The following SRGAP2 variants were observed in gnomAD, a reference collection of about 807,000 sequenced individuals.
The protein encoded by SRGAP2 is SLIT-ROBO Rho GTPase activating protein 2, also known as SLIT-ROBO Rho GTPase-activating protein 2.
A neutral mutation model predicts 57.2 loss-of-function variants in SRGAP2; 15 were observed. That is an observed-to-expected ratio of 0.26 (90% CI 0.18 to 0.40). SRGAP2 has a LOEUF of 0.40. SRGAP2 is among the 10% of genes least tolerant of loss of function. SRGAP2 has a pLI of 1.00. For missense variants in SRGAP2, 520 were observed against 669.6 expected (o/e 0.78, Z 2.47); for synonymous variants, 249 against 248.0 (o/e 1.00, Z -0.04).
chr1:206,210,904 C>A (rs1666276571), intron 2 of SRGAP2, among the ~76,000 whole-genome samples: 1 of 151,154 alleles, frequency 6.6e-6, no homozygotes, highest in Admixed American at 6.6e-5. Flanking sequence ...AAAACAACAA[C>A]AAAAAAAGCT....
intron 14 of SRGAP2, among the ~76,000 whole-genome samples, chr1:206,436,112 A>C (rs1661724615): frequency 6.6e-6 from 1 of 151,752 alleles, no homozygotes; most frequent in Admixed American, 6.6e-5. Context: ...TTTTATCATC[A>C]GCTATCATTA....
At position 206,461,916 on chromosome 1, in the gene SRGAP2, CACACACACACACAT is replaced by C. The variant is rs1664298868; in HGVS notation, c.*498_*511del. The C allele has an allele frequency of 1.3e-5, 2 of 154,160 alleles. No homozygotes were observed. Among genetic ancestry groups the C allele is most frequent in the African/African-American group, 2.4e-5 (1 of 41,376 alleles). 9.5% of individuals were successfully genotyped at this position (154,160 alleles called of 1,614,324 possible). ...CACACATTTTACACACACACACACA[CACACACACACACAT>C]ATGTTTTTCTAGTCTCTGGCATGTG... On this transcript the variant is annotated 3_prime_UTR_variant, in exon 23 of 23. Transcript: ENST00000573034.
At chr1:206,326,563 C>A (rs1271427023) in intron 3 of SRGAP2, among the ~76,000 whole-genome samples, 1 of 152,168 alleles carries the variant, frequency 6.6e-6, no homozygotes, top group Non-Finnish European at 1.5e-5. Context: ...ATAACCACCA[C>A]AATGAAATAA....
chr1:206,423,928 C>A (rs1476814608), intron 13 of SRGAP2, among the ~76,000 whole-genome samples: 3 of 151,204 alleles, frequency 2.0e-5, no homozygotes, highest in Non-Finnish European at 4.4e-5. Context: ...GTGCACACCA[C>A]CACGCCTGGC....
chr1:206,254,196 T>TTTTTTTTTTG (rs1553311722), intron 2 of SRGAP2, among the ~76,000 whole-genome samples: 1 of 89,552 alleles, frequency 1.1e-5, no homozygotes, highest in Non-Finnish European at 2.0e-5. Flanking sequence ...TTTTTTTTTT[T>TTTTTTTTTTG]GGAGGGGGTT....
intron 2 of SRGAP2, among the ~76,000 whole-genome samples, chr1:206,261,163 AC>A (rs1160494944): frequency 6.8e-6 from 1 of 146,472 alleles, no homozygotes; most frequent in East Asian, 2.0e-4. Flanking sequence ...GATAAATTAC[AC>A]TTCAGATTCT....
At chr1:206,448,560 A>C (rs1553374687) in intron 18 of SRGAP2, among the ~76,000 whole-genome samples, 1 of 152,198 alleles carries the variant, frequency 6.6e-6, no homozygotes, top group Non-Finnish European at 1.5e-5. Context: ...TCTGTGTCAC[A>C]AAGGACTGGT....
At chr1:206,253,188 G>C (rs1301096549) in intron 2 of SRGAP2, among the ~76,000 whole-genome samples, 1 of 151,762 alleles carries the variant, frequency 6.6e-6, no homozygotes, top group Non-Finnish European at 1.5e-5. Context: ...TTCTCGTTCT[G>C]CTGCCTTTGG....
chr1:206,454,260 C>G lies in SRGAP2; in HGVS notation c.2361-618C>G, dbSNP rs1663617806. On this transcript the variant is annotated intron_variant, in intron 20 of 22. Coordinates refer to ENST00000573034, the MANE Select transcript of SRGAP2 (RefSeq NM_015326.5). This position sits in a 1 kb window ranked among gnomAD's most constrained non-coding sequence, Gnocchi z 4.3. ...GGTGGCAATCTGTGCGTGGACAGGA[C>G]CCTCCCAAATTTAGCATTATGACTT... is the stretch of plus-strand genomic sequence containing the variant. 1.4e-6 allele frequency: 1 copy of G among 693,526 alleles called. No individual in the cohort carries two copies. Among genetic ancestry groups the G allele is most frequent in the South Asian group, 1.5e-5 (1 of 66,290 alleles). The allele number at this position is 693,526 out of a possible 1,614,324, so 43.0% of individuals were successfully genotyped here.
At position 206,295,303 on chromosome 1, in the gene SRGAP2, AACC is replaced by A. The variant is rs1279442101; in HGVS notation, c.68-7977_68-7975del. On this transcript the variant is annotated intron_variant, in intron 2 of 22. Transcript: ENST00000573034. ...CAATGGTGTGATCTCAGCTCACTGTAACCTCTGCCTCCTGGGTTCAAGCGATTC... is the reference window on the plus strand; with the variant it reads ...CAATGGTGTGATCTCAGCTCACTGTATCTGCCTCCTGGGTTCAAGCGATTC... 5.3e-5 allele frequency among the ~76,000 whole-genome samples: 8 copies of A among 151,954 alleles called. No individual in the cohort carries two copies. The South Asian group carries it at 6.2e-4, about 12-fold the overall frequency.
At chr1:206,347,248 T>C (rs1553337074) in intron 4 of SRGAP2, among the ~76,000 whole-genome samples, 1 of 149,932 alleles carries the variant, frequency 6.7e-6, no homozygotes, top group African/African-American at 2.5e-5. Context: ...CCAGACCCTG[T>C]CTGTTTAAAA....
At chr1:206,263,003 T>C (rs1669660198) in intron 2 of SRGAP2, among the ~76,000 whole-genome samples, 1 of 145,488 alleles carries the variant, frequency 6.9e-6, no homozygotes, top group African/African-American at 2.5e-5. Flanking sequence ...CCTGAATCAT[T>C]TACCTTGTTC....
intron 17 of SRGAP2, among the ~76,000 whole-genome samples, chr1:206,444,924 G>A (rs868978644): frequency 7.2e-5 from 11 of 152,010 alleles, no homozygotes; most frequent in Admixed American, 5.2e-4. Flanking sequence ...GCAGTGATTC[G>A]CAAACAGACA....
At position 206,437,843 on chromosome 1, in the gene SRGAP2, C is replaced by T. The variant is rs1275799931; in HGVS notation, c.1634-121C>T. On this transcript the variant is annotated intron_variant, in intron 15 of 22. Transcript: ENST00000573034. ...TCTGTCCCACTCATGGCCACCATGC[C>T]GGGCAGAAAGCTGATGGATTGGGAC... 34 of 706,268 alleles carry T rather than the reference C, an allele frequency of 4.8e-5. No individual in the cohort carries two copies. The East Asian group carries it at 7.2e-4, about 15-fold the overall frequency. The allele number at this position is 706,268 out of a possible 1,614,324, so 43.8% of individuals were successfully genotyped here.
rs1431980463 is a variant in SRGAP2, at chr1:206,227,307, T to C, written c.67+21270T>C. Among the ~76,000 whole-genome samples the C allele has an allele frequency of 1.1e-4, 16 of 152,372 alleles. No individual in the cohort carries two copies. The East Asian group carries it at 2.9e-3, about 28-fold the overall frequency. ...ATGAATGAATGAACGAATGAAATTC[T>C]TTGCATTTTTATTCGGTTAGAGAGA... is the stretch of plus-strand genomic sequence containing the variant. On this transcript the variant is annotated intron_variant, in intron 2 of 22. Transcript: ENST00000573034.
chr1:206,384,871 A>AG (rs1158978391), intron 5 of SRGAP2, among the ~76,000 whole-genome samples: 1 of 149,148 alleles, frequency 6.7e-6, no homozygotes, highest in African/African-American at 2.5e-5. Context: ...AATGCCTTTC[A>AG]GGGGCCCCTT....
At chr1:206,385,879 G>T (rs1410332759) in intron 5 of SRGAP2, among the ~76,000 whole-genome samples, 12 of 152,106 alleles carry the variant, frequency 7.9e-5, no homozygotes, top group Non-Finnish European at 1.6e-4. Flanking sequence ...TTGCCTGAGT[G>T]TGGTATCCCC....
Position 206,464,305 on chromosome 1 carries a change from G to GTGTTGATAAC in SRGAP2, c.*2888_*2897dup, listed in dbSNP as rs2103433183. On this transcript the variant is annotated 3_prime_UTR_variant, in exon 23 of 23. Coordinates refer to ENST00000573034, the MANE Select transcript of SRGAP2 (RefSeq NM_015326.5). ...GTAAAATGGTATATTCTTTAAAATA[G>GTGTTGATAAC]TGTTGATAACTGGAATATTGTATGT... 6.5e-6 allele frequency: 1 copy of GTGTTGATAAC among 152,756 alleles called. No individual in the cohort carries two copies. Among genetic ancestry groups the GTGTTGATAAC allele is most frequent in the African/African-American group, 2.4e-5 (1 of 41,574 alleles). The allele number at this position is 152,756 out of a possible 1,614,324, so 9.5% of individuals were successfully genotyped here.
intron 10 of SRGAP2, among the ~76,000 whole-genome samples, chr1:206,410,897 G>C (rs868921709): frequency 6.6e-6 from 1 of 152,194 alleles, no homozygotes; most frequent in African/African-American, 2.4e-5. Context: ...CTCGGCTCTT[G>C]TTGCCCAGGC....
Sources: allele counts gnomAD v4.1 joint callset (sites outside exome capture counted in the v4.1 genomes callset), GRCh38; gene constraint gnomAD v4.1.1; non-coding constraint Gnocchi (gnomAD v3.1); transcripts MANE v1.5; gene names NCBI Gene and HGNC (gene_info 2026-07-23, HGNC 2026-07-21).